Variants in KCNIP4 observed in about 807,000 individuals in gnomAD.
KCNIP4 encodes the protein Kv channel-interacting protein 4.
KCNIP4 carries 12 observed loss-of-function variants against 34.0 expected under a neutral mutation model. The observed-to-expected ratio is 0.35, with a 90% CI of 0.23 to 0.57. The LOEUF (loss-of-function observed/expected upper bound fraction) is 0.57. Ranked by LOEUF, KCNIP4 falls within the 20% of genes least tolerant of loss-of-function variation. The probability of loss-of-function intolerance (pLI) is 0.83; values close to 1 mark genes in which losing one functional copy is unlikely to be tolerated. For synonymous variants in KCNIP4, 124 were observed against 102.2 expected (o/e 1.21, Z -1.29); for missense variants, 238 against 311.7 (o/e 0.76, Z 1.78).
At chr4:21,109,246 G>A (rs1748905586) in intron 1 of KCNIP4, among the ~76,000 whole-genome samples, 1 of 152,152 alleles carries the variant, frequency 6.6e-6, no homozygotes, top group South Asian at 2.1e-4. Context: ...AGCTGTGGTG[G>A]GCTCCACCCA....
rs546237892 is a variant in KCNIP4, at chr4:21,927,076, C to G, written c.61+21495G>C. Among the ~76,000 whole-genome samples, 13 of 152,254 alleles carry G rather than the reference C, an allele frequency of 8.5e-5. No homozygotes were observed. The South Asian group carries it at 2.5e-3, about 29-fold the overall frequency. On this transcript the variant is annotated intron_variant, in intron 1 of 8. Transcript: ENST00000382152. ...TGTCTTTTCCAGCTTTTAAGGCCAC[C>G]TACATTCCTGGGCCTGTGTTCCCCT...
intron 3 of KCNIP4, among the ~76,000 whole-genome samples, chr4:20,849,640 A>T: frequency 7.7e-6 from 1 of 130,200 alleles, no homozygotes; most frequent in South Asian, 2.6e-4. Flanking sequence ...GCTGGGTTTC[A>T]AAAGGATCAA....
At chr4:21,904,118 G>A (rs1727862028) in intron 1 of KCNIP4, among the ~76,000 whole-genome samples, 1 of 152,040 alleles carries the variant, frequency 6.6e-6, no homozygotes, top group African/African-American at 2.4e-5. Flanking sequence ...CAGAAATCAT[G>A]AATATTCTTT....
intron 1 of KCNIP4, among the ~76,000 whole-genome samples, chr4:21,916,815 T>G (rs1728656761): frequency 6.6e-6 from 1 of 152,122 alleles, no homozygotes; most frequent in Non-Finnish European, 1.5e-5. Context: ...CAATCAAGAG[T>G]TAGGATGCTC....
intron 3 of KCNIP4, among the ~76,000 whole-genome samples, chr4:20,831,793 A>G (rs1718456376): frequency 6.6e-6 from 1 of 152,220 alleles, no homozygotes; most frequent in Non-Finnish European, 1.5e-5. Flanking sequence ...GCTTCATTGC[A>G]CAGATTACAT....
intron 1 of KCNIP4, among the ~76,000 whole-genome samples, chr4:21,741,476 C>G (rs988017658): frequency 6.6e-6 from 1 of 152,140 alleles, no homozygotes; most frequent in Non-Finnish European, 1.5e-5. Flanking sequence ...AAGCTTTTAT[C>G]TCTGGGATGG....
intron 1 of KCNIP4, among the ~76,000 whole-genome samples, chr4:21,869,836 C>T (rs1423810728): frequency 2.0e-5 from 3 of 150,700 alleles, no homozygotes; most frequent in Non-Finnish European, 2.9e-5. Context: ...ATATCGCATA[C>T]ACACATACAA....
intron 1 of KCNIP4, among the ~76,000 whole-genome samples, chr4:21,077,094 C>A (rs1745556358): frequency 6.6e-6 from 1 of 151,432 alleles, no homozygotes; most frequent in Admixed American, 6.6e-5. Flanking sequence ...TTGTTGCACT[C>A]CAACCTGGGC....
chr4:21,406,537 G>A (rs1333478354), intron 1 of KCNIP4, among the ~76,000 whole-genome samples: 1 of 151,996 alleles, frequency 6.6e-6, no homozygotes, highest in Non-Finnish European at 1.5e-5. Flanking sequence ...ATCACAACTC[G>A]AGCTCATCTT....
chr4:21,281,081 TTTC>T (rs947181776), intron 1 of KCNIP4, among the ~76,000 whole-genome samples: 6 of 149,562 alleles, frequency 4.0e-5, no homozygotes, highest in African/African-American at 1.0e-4. Flanking sequence ...AAAGTTACAT[TTTC>T]TTCTTTTTTT....
chr4:21,297,228 G>A (rs1763894861), intron 1 of KCNIP4, among the ~76,000 whole-genome samples: 1 of 151,694 alleles, frequency 6.6e-6, no homozygotes, highest in African/African-American at 2.4e-5. Flanking sequence ...TTTGTTATAG[G>A]ACCTTGGCCT....
chr4:20,989,706 T>C (rs1736907948), intron 1 of KCNIP4, among the ~76,000 whole-genome samples: 1 of 152,146 alleles, frequency 6.6e-6, no homozygotes, highest in African/African-American at 2.4e-5. Context: ...CTGTGACTCA[T>C]GCCTGTAATC....
chr4:20,845,026 T>C (rs1720195236), intron 3 of KCNIP4, among the ~76,000 whole-genome samples: 2 of 152,162 alleles, frequency 1.3e-5, no homozygotes, highest in Admixed American at 1.3e-4. Flanking sequence ...GCTGCTTTGC[T>C]CTACAGGTGT....
chr4:21,113,046 A>C (rs913501964), intron 1 of KCNIP4, among the ~76,000 whole-genome samples: 1 of 152,214 alleles, frequency 6.6e-6, no homozygotes, highest in African/African-American at 2.4e-5. Flanking sequence ...TACTTAGTAC[A>C]TAAATATAAG....
At chr4:21,343,131 T>A (rs1192652983) in intron 1 of KCNIP4, among the ~76,000 whole-genome samples, 1 of 152,004 alleles carries the variant, frequency 6.6e-6, no homozygotes, top group Non-Finnish European at 1.5e-5. Context: ...CATTTTCTTA[T>A]AATACTGGTG....
At chr4:21,619,412 T>C (rs888155771) in intron 1 of KCNIP4, among the ~76,000 whole-genome samples, 4 of 152,240 alleles carry the variant, frequency 2.6e-5, no homozygotes, top group African/African-American at 9.6e-5. Context: ...GTAAGAAAGA[T>C]GAATATTTAT....
intron 1 of KCNIP4, among the ~76,000 whole-genome samples, chr4:21,069,227 G>GT (rs1349732197): frequency 0.032 from 4,640 of 147,126 alleles, 184 homozygotes; most frequent in African/African-American, 0.1. Context: ...AATTCTCTAA[G>GT]TTTTTTTTTT....
At chr4:21,604,990 T>G (rs571832186) in intron 1 of KCNIP4, among the ~76,000 whole-genome samples, 2 of 152,204 alleles carry the variant, frequency 1.3e-5, no homozygotes, top group African/African-American at 4.8e-5. Context: ...GTTGTTCCTC[T>G]GGCATTTTCT....
chr4:21,226,495 A>T (rs1758417530), intron 1 of KCNIP4, among the ~76,000 whole-genome samples: 1 of 152,322 alleles, frequency 6.6e-6, no homozygotes. Context: ...GCCCTTAAAA[A>T]GTCTAAATAA....
Sources: allele counts gnomAD v4.1 joint callset (sites outside exome capture counted in the v4.1 genomes callset), GRCh38; gene constraint gnomAD v4.1.1; transcripts MANE v1.5; gene names NCBI Gene and HGNC (gene_info 2026-07-23, HGNC 2026-07-21).